Variants in PCDHGA1 observed in about 807,000 individuals in gnomAD.
PCDHGA1 encodes the protein protocadherin gamma subfamily A, 1.
In PCDHGA1, 32 loss-of-function variants were observed where a neutral mutation model predicts 58.0. That is an observed-to-expected ratio of 0.55 (90% CI 0.42 to 0.74). PCDHGA1 has a LOEUF of 0.74. Ranked by LOEUF, PCDHGA1 falls within the 30% of genes least tolerant of loss-of-function variation. The probability of loss-of-function intolerance (pLI) is 0.00; values close to 1 mark genes in which losing one functional copy is unlikely to be tolerated. For missense variants in PCDHGA1, 1,205 were observed against 1,182.3 expected (o/e 1.02, Z -0.28); for synonymous variants, 498 against 501.1 (o/e 0.99, Z 0.08).
At position 141,477,039 on chromosome 5, in the gene PCDHGA1, G is replaced by C. The variant is rs1313580652; in HGVS notation, c.2422-17768G>C. Reference sequence around the variant, plus strand: ...GTAACCGGGATGCTGACAATCAAGGGTCGGCTGGACTTCGAGGACACCAAA... The same window carrying C: ...GTAACCGGGATGCTGACAATCAAGGCTCGGCTGGACTTCGAGGACACCAAA... On this transcript the variant is annotated intron_variant, in intron 1 of 3. Coordinates refer to ENST00000517417, the MANE Select transcript of PCDHGA1 (RefSeq NM_018912.3). This position sits in a 1 kb window ranked among gnomAD's most constrained non-coding sequence, Gnocchi z 4.9. 1 of 1,614,144 alleles carries C rather than the reference G, an allele frequency of 6.2e-7. No individual in the cohort carries two copies. The highest frequency in any genetic ancestry group is 8.5e-7 in the Non-Finnish European group (1 of 1,180,056).
chr5:141,455,140 A>G (rs1465733732), intron 1 of PCDHGA1, among the ~76,000 whole-genome samples: 1 of 150,512 alleles, frequency 6.6e-6, no homozygotes, highest in Non-Finnish European at 1.5e-5. Context: ...ACACTGTGTT[A>G]AATAAATATT....
chr5:141,391,847 A>T (rs1478301262), intron 1 of PCDHGA1: 1 of 152,232 alleles, frequency 6.6e-6, no homozygotes, highest in Non-Finnish European at 1.5e-5. Context: ...TGTAAAAGTC[A>T]AGTCTGCTTT....
Position 141,340,205 on chromosome 5 carries a change from A to G in PCDHGA1, c.2421+7100A>G, listed in dbSNP as rs764351101. The G allele has an allele frequency of 8.5e-5, 138 of 1,614,076 alleles. 1 individual carries two copies. The Middle Eastern group carries it at 4.3e-3, about 50-fold the overall frequency. ...ACTGGTTACAACCAGAGCCCTTGAC[A>G]GGGAACAGTTTTCCTTTTACAACAT... On this transcript the variant is annotated intron_variant, in intron 1 of 3. Transcript: ENST00000517417.
At chr5:141,389,673 G>T (rs755380537) in intron 1 of PCDHGA1, 1 of 1,612,426 alleles carries the variant, frequency 6.2e-7, no homozygotes, top group South Asian at 1.1e-5. Context: ...CGCAGACTCA[G>T]GACACAACGC....
chr5:141,482,763 T>TGC (rs2099571981), intron 1 of PCDHGA1, among the ~76,000 whole-genome samples: 1 of 127,550 alleles, frequency 7.8e-6, no homozygotes, highest in African/African-American at 3.6e-5. Flanking sequence ...GGTATTTCAT[T>TGC]ATCACTGAAC....
chr5:141,352,327 T>G, intron 1 of PCDHGA1: 2 of 1,614,074 alleles, frequency 1.2e-6, no homozygotes, highest in Middle Eastern at 1.6e-4. Flanking sequence ...TTTACCTGGT[T>G]GTGGCCTTGG....
At chr5:141,346,109 C>G (rs1245311569) in intron 1 of PCDHGA1, 3 of 1,613,888 alleles carry the variant, frequency 1.9e-6, no homozygotes, top group Non-Finnish European at 2.5e-6. Flanking sequence ...TCACTCTGTA[C>G]CTGGTGGTGG....
chr5:141,413,815 C>T (rs1357769705), intron 1 of PCDHGA1: 11 of 1,613,224 alleles, frequency 6.8e-6, no homozygotes, highest in Non-Finnish European at 8.5e-6. Flanking sequence ...CATTCACCAC[C>T]TGGTCCTCAC....
intron 1 of PCDHGA1, chr5:141,391,427 A>G (rs1374909206): frequency 1.3e-5 from 2 of 151,516 alleles, no homozygotes; most frequent in Non-Finnish European, 2.9e-5. Flanking sequence ...TTCCTTCTGC[A>G]TCAGCCTCCT....
intron 1 of PCDHGA1, chr5:141,395,944 C>G (rs1218959085): frequency 6.6e-6 from 1 of 151,840 alleles, no homozygotes; most frequent in East Asian, 1.9e-4. Context: ...CATTGCTCCC[C>G]CAAACAAAAA....
rs371807105 is a variant in PCDHGA1 at position 141,476,586 on chromosome 5, A to G, written c.2422-18221A>G. ...GCTCCGGGGACGCGCTTTCCGCTCG[A>G]GAGCGCGCACGATCCCGATGTGGGA... is the stretch of plus-strand genomic sequence containing the variant. On this transcript the variant is annotated intron_variant, in intron 1 of 3. Coordinates refer to ENST00000517417, the MANE Select transcript of PCDHGA1 (RefSeq NM_018912.3). This position sits in a 1 kb window ranked among gnomAD's most constrained non-coding sequence, Gnocchi z 7.6. The G allele has an allele frequency of 6.2e-7, 1 of 1,614,222 alleles. No homozygotes were observed. The highest frequency in any genetic ancestry group is 8.5e-7 in the Non-Finnish European group (1 of 1,180,032).
At chr5:141,382,317 GTAAA>G (rs1482634443) in intron 1 of PCDHGA1, among the ~76,000 whole-genome samples, 1 of 152,160 alleles carries the variant, frequency 6.6e-6, no homozygotes, top group Non-Finnish European at 1.5e-5. Flanking sequence ...ATACACTGAT[GTAAA>G]TATTTTCTAA....
At chr5:141,499,689 C>CTTT (rs545067566) in intron 2 of PCDHGA1, among the ~76,000 whole-genome samples, 57 of 119,830 alleles carry the variant, frequency 4.8e-4, no homozygotes, top group Non-Finnish European at 6.2e-4. Context: ...TAACAGATGA[C>CTTT]TTTTTTTTTT....
chr5:141,389,784 G>A (rs1380763543), intron 1 of PCDHGA1: 5 of 1,613,318 alleles, frequency 3.1e-6, no homozygotes, highest in Non-Finnish European at 4.2e-6. Flanking sequence ...AGGCGACAGG[G>A]ACGCCGTCCG....
rs1761587141 is a variant in PCDHGA1 at position 141,360,419 on chromosome 5, T to C, written c.2421+27314T>C. The C allele has an allele frequency of 1.2e-6, 2 of 1,613,968 alleles. No individual in the cohort carries two copies. The highest frequency in any genetic ancestry group is 4.5e-5 in the East Asian group (2 of 44,870). ...AGTGACAGAATAGACCGAGAACAGA[T>C]ATGCGGGAAGCAGCCTCTGTGTGTT... On this transcript the variant is annotated intron_variant, in intron 1 of 3. Transcript: ENST00000517417.
At chr5:141,389,364 C>CT (rs963046088) in intron 1 of PCDHGA1, 1 of 1,613,736 alleles carries the variant, frequency 6.2e-7, no homozygotes, top group African/African-American at 1.3e-5. Context: ...GGCCAGTGAC[C>CT]TGGAGCAGCG....
At chr5:141,337,416 C>T (rs1756679816) in intron 1 of PCDHGA1, among the ~76,000 whole-genome samples, 1 of 152,204 alleles carries the variant, frequency 6.6e-6, no homozygotes. Flanking sequence ...GTGGTTCACA[C>T]ATACAATGGG....
intron 1 of PCDHGA1, chr5:141,375,368 A>T (rs774708513): frequency 6.2e-7 from 1 of 1,613,754 alleles, no homozygotes; most frequent in Non-Finnish European, 8.5e-7. Context: ...GGACAAAGGA[A>T]CACCACCTCT....
rs1384789799 is a variant in PCDHGA1, at chr5:141,333,025, A to G, written c.2341A>G (p.Ser781Gly). The change falls in exon 1 of 4, where the codon AGC (serine) becomes GGC (glycine). Residue 781 changes from serine (S) to glycine (G), a missense_variant. Transcript: ENST00000517417. ...GCCCAACTATGCGGACACACTCATCAGCCAGGAGAGCTGTGAGAAAAAGGG... is the reference window on the plus strand; with the variant it reads ...GCCCAACTATGCGGACACACTCATCGGCCAGGAGAGCTGTGAGAAAAAGGG... ...PQPNYADTLI[S>G]QESCEKKGFL... 1 of 1,614,234 alleles carries G rather than the reference A, an allele frequency of 6.2e-7. No homozygotes were observed. Among genetic ancestry groups the G allele is most frequent in the Non-Finnish European group, 8.5e-7 (1 of 1,180,050 alleles).
Sources: allele counts gnomAD v4.1 joint callset (sites outside exome capture counted in the v4.1 genomes callset), GRCh38; gene constraint gnomAD v4.1.1; non-coding constraint Gnocchi (gnomAD v3.1); transcripts MANE v1.5; gene names NCBI Gene and HGNC (gene_info 2026-07-23, HGNC 2026-07-21).